Variants in CEP152 observed in about 807,000 individuals in gnomAD.
CEP152 encodes centrosomal protein of 152 kDa.
A neutral mutation model predicts 188.9 loss-of-function variants in CEP152; 132 were observed. The observed-to-expected ratio is 0.70, with a 90% CI of 0.61 to 0.81. The LOEUF (loss-of-function observed/expected upper bound fraction) is 0.81, where lower values mean the gene tolerates loss of function less well. Ranked by LOEUF, CEP152 falls within the 30% of genes least tolerant of loss-of-function variation. The pLI, the probability that CEP152 is intolerant of heterozygous loss-of-function variation, is 0.00. For missense variants in CEP152, 1,914 were observed against 1,969.8 expected, an observed-to-expected ratio of 0.97 and a Z score of 0.54; for synonymous variants, 649 against 666.6, an observed-to-expected ratio of 0.97 and a Z score of 0.41.
At chr15:48,757,154 C>CA (rs147162033) in intron 19 of CEP152, among the ~76,000 whole-genome samples, 11,270 of 152,098 alleles carry the variant, frequency 0.074, 651 homozygotes, top group Admixed American at 0.18. Flanking sequence ...ATAGCGAAAT[C>CA]AAAAAACCTA....
chr15:48,763,245 C>G (rs1374976538), intron 17 of CEP152, among the ~76,000 whole-genome samples: 3 of 152,220 alleles, frequency 2.0e-5, no homozygotes, highest in Non-Finnish European at 4.4e-5. Context: ...GAGCTAAACA[C>G]AGTCTTAGGC....
chr15:48,809,099 C>A (rs1898177804), intron 1 of CEP152, among the ~76,000 whole-genome samples: 1 of 152,132 alleles, frequency 6.6e-6, no homozygotes, highest in Admixed American at 6.5e-5. Context: ...GGTATTTGGA[C>A]AAAAGATTAC....
chr15:48,781,225 C>T lies in CEP152; in HGVS notation c.1548G>A (p.Lys516=). The T allele has an allele frequency of 1.2e-6, 2 of 1,613,368 alleles. No homozygotes were observed. The highest frequency in any genetic ancestry group is 8.5e-7 in the Non-Finnish European group (1 of 1,179,686). ...TESYVDLGIK[K]VNWKKSKVTS... is the part of the protein sequence containing the mutation. ...TAACTTTGGATTTTTTCCAGTTGAC[C>T]TTTTTAATACCCAAATCCACATACG... Residue 516 remains lysine, a synonymous_variant, in exon 12 of 27, where the codon AAG becomes AAA. Transcript: ENST00000380950.
chr15:48,758,470 C>A (rs1372129995), intron 19 of CEP152, among the ~76,000 whole-genome samples: 1 of 152,070 alleles, frequency 6.6e-6, no homozygotes, highest in Admixed American at 6.5e-5. Context: ...GTAATCCCAG[C>A]ACTTTGGGAG....
chr15:48,740,133 A>AT (rs1892846985), intron 26 of CEP152, among the ~76,000 whole-genome samples: 1 of 152,184 alleles, frequency 6.6e-6, no homozygotes, highest in South Asian at 2.1e-4. Flanking sequence ...ATGTATTTCT[A>AT]TCAGCTCTTG....
intron 12 of CEP152, among the ~76,000 whole-genome samples, chr15:48,776,706 A>G (rs944032397): frequency 8.5e-5 from 13 of 152,148 alleles, no homozygotes; most frequent in Non-Finnish European, 1.6e-4. Context: ...TACTAGTAAA[A>G]TGACATTATA....
At chr15:48,789,426 C>G (rs74758973) in intron 8 of CEP152, 5,122 of 218,468 alleles carry the variant, frequency 0.023, 92 homozygotes, top group Non-Finnish European at 0.033. Context: ...TGCCAATGGT[C>G]ACTTACTAAA....
At chr15:48,777,622 G>T (rs962151254) in intron 12 of CEP152, among the ~76,000 whole-genome samples, 1 of 151,704 alleles carries the variant, frequency 6.6e-6, no homozygotes, top group African/African-American at 2.4e-5. Flanking sequence ...TATATATTTT[G>T]TAAGTAGTCT....
At position 48,744,239 on chromosome 15, in the gene CEP152, C is replaced by T. The variant is rs775011950; in HGVS notation, c.3835+1G>A. On this transcript the variant is annotated splice_donor_variant, in intron 24 of 26. Transcript: ENST00000380950. LOFTEE classifies it high-confidence loss of function. Reference sequence around the variant, plus strand: ...CTTAAAATCTTCAGAATTAAACTTACATTTAATTTTTTTTACAGCTTTAAT... The same window carrying T: ...CTTAAAATCTTCAGAATTAAACTTATATTTAATTTTTTTTACAGCTTTAAT... The T allele has an allele frequency of 6.2e-7, 1 of 1,613,932 alleles. No individual in the cohort carries two copies. The highest frequency in any genetic ancestry group is 2.2e-5 in the East Asian group (1 of 44,812).
rs1225893665 is a variant in CEP152 at position 48,738,545 on chromosome 15, G to A, written c.4837C>T (p.Pro1613Ser). ...SESVKSKQFS[P>S]SGYLSDTEES... ...TCTGTATCTGAAAGATAACCGGATG[G>A]TGAAAACTGTTTGGATTTAACAGAT... The change falls in exon 27 of 27, where the codon CCA (proline) becomes TCA (serine). Residue 1613 changes from proline (P) to serine (S), a missense_variant. By Grantham distance (74) the Pro-to-Ser change is moderately conservative. Transcript: ENST00000380950. 3 of 1,614,144 alleles carry A rather than the reference G, an allele frequency of 1.9e-6. No individual in the cohort carries two copies. Among genetic ancestry groups the A allele is most frequent in the South Asian group, 2.2e-5 (2 of 91,080 alleles).
chr15:48,797,045 T>G (rs1353644824), intron 5 of CEP152, among the ~76,000 whole-genome samples: 1 of 152,238 alleles, frequency 6.6e-6, no homozygotes, highest in Non-Finnish European at 1.5e-5. Context: ...TTGGCAGACT[T>G]AACTTTTAAT....
intron 10 of CEP152, chr15:48,783,226 T>G (rs1229591999): frequency 6.6e-6 from 1 of 152,212 alleles, no homozygotes; most frequent in African/African-American, 2.4e-5. Context: ...TTTGCTCTAA[T>G]ATCATTTTAT....
intron 17 of CEP152, among the ~76,000 whole-genome samples, chr15:48,763,172 G>A (rs939215120): frequency 1.3e-5 from 2 of 152,170 alleles, no homozygotes; most frequent in African/African-American, 4.8e-5. Flanking sequence ...ACATTCAAAA[G>A]GGAGGCAGTA....
downstream of CEP152, among the ~76,000 whole-genome samples, chr15:48,737,704 T>C (rs1415248555): frequency 1.3e-5 from 2 of 152,146 alleles, no homozygotes; most frequent in Non-Finnish European, 2.9e-5. Context: ...TATTTTGTAG[T>C]AAACCCTGGA....
At chr15:48,788,362 C>G (rs1267612066) in intron 9 of CEP152, among the ~76,000 whole-genome samples, 1 of 130,718 alleles carries the variant, frequency 7.7e-6, no homozygotes, top group Non-Finnish European at 1.5e-5. Context: ...GAGACGGAGT[C>G]TCGCTCTGTC....
At chr15:48,764,649 T>G (rs1894924537) in intron 17 of CEP152, among the ~76,000 whole-genome samples, 1 of 152,138 alleles carries the variant, frequency 6.6e-6, no homozygotes, top group Non-Finnish European at 1.5e-5. Flanking sequence ...ACCTGAAGGA[T>G]TCCGTGTATA....
In CEP152 at chr15:48,739,023, T is replaced by A. The variant is rs1318499181; in HGVS notation, c.4359A>T (p.Leu1453=). The A allele has an allele frequency of 2.5e-6, 4 of 1,614,038 alleles. No individual in the cohort carries two copies. In the Admixed American group the frequency reaches 6.7e-5, roughly 27 times the overall value. The part of the protein sequence containing the change: ...FQFGDGSCKH[L]NSLPRNVSPE... ...GAGAAACATTCCTTGGCAAACTGTT[T>A]AGGTGCTTGCAACTACCATCCCCAA... The change falls in exon 27 of 27, where the codon CTA becomes CTT. Residue 1453 remains leucine (L), a synonymous_variant. Transcript: ENST00000380950.
intron 2 of CEP152, among the ~76,000 whole-genome samples, chr15:48,731,915 A>G (rs1869053305): frequency 6.6e-6 from 1 of 152,260 alleles, no homozygotes; most frequent in Non-Finnish European, 1.5e-5. Flanking sequence ...TTATGTGACC[A>G]ACAAACATAT....
rs1330143079 is a variant in CEP152, at chr15:48,776,484, C to A, written c.1578-3793G>T. On this transcript the variant is annotated intron_variant, in intron 12 of 26. Coordinates refer to ENST00000380950, the MANE Select transcript of CEP152 (RefSeq NM_001194998.2). ...ATCAAAGCCCTCAAATAAGTGCACACCCTCTAGCAAGACAATTATTCTACT... is the reference window on the plus strand; with the variant it reads ...ATCAAAGCCCTCAAATAAGTGCACAACCTCTAGCAAGACAATTATTCTACT... Among the ~76,000 whole-genome samples the A allele has an allele frequency of 4.6e-5, 7 of 152,170 alleles. No individual in the cohort carries two copies. In the East Asian group the frequency reaches 1.3e-3, roughly 29 times the overall value.
Sources: gnomAD v4.1 joint callset for allele counts (sites outside exome capture counted in the v4.1 genomes callset) on GRCh38, gnomAD v4.1.1 for gene constraint, MANE v1.5 for transcripts, NCBI Gene and HGNC (gene_info 2026-07-23, HGNC 2026-07-21) for gene names.